Variants in GPC6 observed in about 807,000 individuals in gnomAD.
GPC6 encodes glypican 6.
In GPC6, 14 loss-of-function variants were observed where a neutral mutation model predicts 55.2. The observed-to-expected ratio is 0.25, with a 90% CI of 0.17 to 0.40. The LOEUF (loss-of-function observed/expected upper bound fraction) is 0.40. Among genes scored for constraint, GPC6 ranks in the 10% least tolerant of loss-of-function variants. The pLI, the probability that GPC6 is intolerant of heterozygous loss-of-function variation, is 1.00. For missense variants in GPC6, 641 were observed against 708.5 expected (o/e 0.90, Z 1.08); for synonymous variants, 278 against 259.6 (o/e 1.07, Z -0.68).
chr13:93,979,831 T>C (rs1410125022), intron 3 of GPC6, among the ~76,000 whole-genome samples: 1 of 152,084 alleles, frequency 6.6e-6, no homozygotes, highest in African/African-American at 2.4e-5. Context: ...GCCAAAATTA[T>C]AGCCTATTCA....
rs891842943 is a variant in GPC6, at chr13:94,038,508, C to G, written c.877+10614C>G. On this transcript the variant is annotated intron_variant, in intron 4 of 8. Coordinates refer to ENST00000377047, the MANE Select transcript of GPC6 (RefSeq NM_005708.5). ...TAAATGTAGAAGACATAGGTAAGAG[C>G]ACCAGTCCTTGAGTCACTGCATGAG... 3.3e-5 allele frequency among the ~76,000 whole-genome samples: 5 copies of G among 151,874 alleles called. No homozygotes were observed. In the South Asian group the frequency reaches 1.0e-3, roughly 31 times the overall value.
intron 2 of GPC6, among the ~76,000 whole-genome samples, chr13:93,595,881 G>A (rs16949017): frequency 7.9e-5 from 12 of 152,220 alleles, no homozygotes; most frequent in South Asian, 6.2e-4. Context: ...ATGGATGACC[G>A]TACAGTTGTT....
At chr13:93,475,158 A>T in intron 1 of GPC6, among the ~76,000 whole-genome samples, 1 of 133,682 alleles carries the variant, frequency 7.5e-6, no homozygotes, top group South Asian at 2.6e-4. Context: ...AAATAAATAA[A>T]TACACACACA....
At chr13:94,097,229 G>A (rs773224594) in intron 4 of GPC6, among the ~76,000 whole-genome samples, 64 of 152,094 alleles carry the variant, frequency 4.2e-4, no homozygotes, top group Non-Finnish European at 7.5e-4. Context: ...TGGGCAGGGC[G>A]CGGTGGCTCA....
At chr13:93,516,649 G>T (rs1265043725) in intron 1 of GPC6, among the ~76,000 whole-genome samples, 1 of 152,068 alleles carries the variant, frequency 6.6e-6, no homozygotes, top group East Asian at 1.9e-4. Flanking sequence ...CTTCAAGATA[G>T]AACAACATGG....
At chr13:94,334,973 G>A (rs995095952) in intron 6 of GPC6, among the ~76,000 whole-genome samples, 1 of 152,204 alleles carries the variant, frequency 6.6e-6, no homozygotes, top group African/African-American at 2.4e-5. Flanking sequence ...CCATGCAAAT[G>A]CAACTATTTA....
At chr13:93,886,761 T>TG (rs1491229213) in intron 3 of GPC6, among the ~76,000 whole-genome samples, 13 of 116,418 alleles carry the variant, frequency 1.1e-4, no homozygotes, top group African/African-American at 3.0e-4. Flanking sequence ...TTTTTTTTTG[T>TG]TTTTTTTTTT....
chr13:94,215,422 G>A (rs1220016722), intron 4 of GPC6, among the ~76,000 whole-genome samples: 1 of 152,042 alleles, frequency 6.6e-6, no homozygotes, highest in Non-Finnish European at 1.5e-5. Context: ...ATTTCCTTAT[G>A]TATAATTTTT....
chr13:93,918,158 A>G lies in GPC6; in HGVS notation c.711+87613A>G, dbSNP rs555642206. 8.5e-5 allele frequency among the ~76,000 whole-genome samples: 13 copies of G among 152,136 alleles called. No homozygotes were observed. The South Asian group carries it at 1.7e-3, about 19-fold the overall frequency. ...TGGAGATCGACAAGATGACTTTAGT[A>G]TAGCTGATAGGCCATCATAAGTTCA... On this transcript the variant is annotated intron_variant, in intron 3 of 8. Coordinates refer to ENST00000377047, the MANE Select transcript of GPC6 (RefSeq NM_005708.5).
chr13:94,145,997 C>T (rs1282375083), intron 4 of GPC6, among the ~76,000 whole-genome samples: 1 of 152,142 alleles, frequency 6.6e-6, no homozygotes, highest in East Asian at 1.9e-4. Flanking sequence ...TTATTAAATG[C>T]TCATAAAAGG....
chr13:94,109,767 T>C (rs1886176570), intron 4 of GPC6, among the ~76,000 whole-genome samples: 1 of 152,092 alleles, frequency 6.6e-6, no homozygotes, highest in African/African-American at 2.4e-5. Flanking sequence ...TTATACAGCT[T>C]GTATTTACTT....
In GPC6 at chr13:94,259,691, G is replaced by A. The variant is rs61962161; in HGVS notation, c.878-26658G>A. Reference sequence around the variant, plus strand: ...CCCTTCCTTTTGGTACCTGGCAATGGCCACTCTATTTCCTATCTCTATGAA... The same window carrying A: ...CCCTTCCTTTTGGTACCTGGCAATGACCACTCTATTTCCTATCTCTATGAA... On this transcript the variant is annotated intron_variant, in intron 4 of 8. Coordinates refer to ENST00000377047, the MANE Select transcript of GPC6 (RefSeq NM_005708.5). Among the ~76,000 whole-genome samples the A allele has an allele frequency of 8.8e-3, 1,337 of 152,138 alleles. 15 individuals carry two copies. Among genetic ancestry groups the A allele is most frequent in the Non-Finnish European group, 0.015 (1,029 of 67,986 alleles).
intron 7 of GPC6, among the ~76,000 whole-genome samples, chr13:94,392,331 A>C (rs1880682950): frequency 6.6e-6 from 1 of 151,584 alleles, no homozygotes; most frequent in Admixed American, 6.6e-5. Flanking sequence ...TATATATAAT[A>C]ATAATGGTAC....
chr13:94,134,462 CT>C (rs1208616391), intron 4 of GPC6, among the ~76,000 whole-genome samples: 1 of 152,198 alleles, frequency 6.6e-6, no homozygotes, highest in African/African-American at 2.4e-5. Flanking sequence ...ATGTGTCCCC[CT>C]CATGCTAAAT....
chr13:93,356,519 G>T (rs1409143366), intron 1 of GPC6, among the ~76,000 whole-genome samples: 1 of 152,154 alleles, frequency 6.6e-6, no homozygotes, highest in Admixed American at 6.5e-5. Flanking sequence ...TAATTAGGAG[G>T]CCTTGAAGAT....
At chr13:94,300,655 G>T (rs1218813087) in intron 5 of GPC6, among the ~76,000 whole-genome samples, 3 of 152,156 alleles carry the variant, frequency 2.0e-5, no homozygotes, top group Admixed American at 6.5e-5. Flanking sequence ...TACATCTGTA[G>T]CATCTGTCTG....
At chr13:93,514,175 A>G (rs1314284696) in intron 1 of GPC6, among the ~76,000 whole-genome samples, 2 of 151,940 alleles carry the variant, frequency 1.3e-5, no homozygotes, top group Non-Finnish European at 2.9e-5. Flanking sequence ...TCCTGGTCAC[A>G]TTCATCTTTT....
intron 6 of GPC6, among the ~76,000 whole-genome samples, chr13:94,311,909 G>A (rs1352672820): frequency 3.3e-5 from 5 of 152,182 alleles, no homozygotes; most frequent in East Asian, 3.9e-4. Flanking sequence ...CTGTTCGATT[G>A]GTCCCATTGA....
chr13:93,611,022 T>A (rs1002398657), intron 2 of GPC6, among the ~76,000 whole-genome samples: 1 of 152,192 alleles, frequency 6.6e-6, no homozygotes, highest in Non-Finnish European at 1.5e-5. Context: ...TTATCAAACA[T>A]CTCATTTTGA....
Sources: allele counts gnomAD v4.1 joint callset (sites outside exome capture counted in the v4.1 genomes callset), GRCh38; gene constraint gnomAD v4.1.1; transcripts MANE v1.5; gene names NCBI Gene and HGNC (gene_info 2026-07-23, HGNC 2026-07-21).